Variants in THSD7A observed in about 807,000 individuals in gnomAD.
THSD7A encodes thrombospondin type-1 domain-containing protein 7A.
Under a neutral mutation model 231.3 loss-of-function variants are expected in THSD7A, and 96 were observed. The ratio of observed to expected loss-of-function variants is 0.41; its 90% CI spans 0.35 to 0.49. The LOEUF is 0.49. Ranked by LOEUF, THSD7A falls within the 20% of genes least tolerant of loss-of-function variation. THSD7A has a pLI of 0.05. For synonymous variants in THSD7A, 940 were observed against 743.3 expected, an observed-to-expected ratio of 1.26 and a Z score of -4.30; for missense variants, 2,290 against 2,070.2, an observed-to-expected ratio of 1.11 and a Z score of -2.06.
chr7:11,571,055 A>T (rs2128334544), intron 4 of THSD7A, among the ~76,000 whole-genome samples: 1 of 152,198 alleles, frequency 6.6e-6, no homozygotes, highest in African/African-American at 2.4e-5. Flanking sequence ...TTCTCTAGTT[A>T]GGAGAATGGT....
chr7:11,807,505 T>C (rs1398456291), intron 1 of THSD7A, among the ~76,000 whole-genome samples: 1 of 152,146 alleles, frequency 6.6e-6, no homozygotes. Context: ...AGTAAAATTA[T>C]AAAACAAATT....
At position 11,590,273 on chromosome 7, in the gene THSD7A, G is replaced by C. The variant is rs1780100173; in HGVS notation, c.1453+187C>G. On this transcript the variant is annotated intron_variant, in intron 4 of 27. Coordinates refer to ENST00000423059, the MANE Select transcript of THSD7A (RefSeq NM_015204.3). The surrounding 1 kb of genome is among the most constrained non-coding windows in gnomAD (Gnocchi z 4.4). ...TGTCAGTAAACCAGAACTGACCAAA[G>C]ATGGAATTGTGTTAAATATTTTCAC... Among the ~76,000 whole-genome samples, 1 of 152,174 alleles carries C rather than the reference G, an allele frequency of 6.6e-6. No individual in the cohort carries two copies. The highest frequency in any genetic ancestry group is 1.5e-5 in the Non-Finnish European group (1 of 68,030).
chr7:11,597,550 C>T (rs1780408133), intron 2 of THSD7A, among the ~76,000 whole-genome samples: 1 of 152,094 alleles, frequency 6.6e-6, no homozygotes, highest in Non-Finnish European at 1.5e-5. Flanking sequence ...TTGGCAGGCC[C>T]CCATAGGTGA....
Position 11,814,723 on chromosome 7 carries a change from T to C in THSD7A, c.190+17034A>G, listed in dbSNP as rs1275647980. On this transcript the variant is annotated intron_variant, in intron 1 of 27. Coordinates refer to ENST00000423059, the MANE Select transcript of THSD7A (RefSeq NM_015204.3). The surrounding 1 kb of genome is among the most constrained non-coding windows in gnomAD (Gnocchi z 5.1). ...AGTAAGAGACAGGGAGAGAAATGTA[T>C]CTTAGCAGCAGTCAAAGCTCTCCTT... 2.0e-5 allele frequency among the ~76,000 whole-genome samples: 3 copies of C among 152,130 alleles called. No individual in the cohort carries two copies. Among genetic ancestry groups the C allele is most frequent in the Admixed American group, 6.6e-5 (1 of 15,262 alleles).
chr7:11,665,005 T>C (rs952195282), intron 1 of THSD7A, among the ~76,000 whole-genome samples: 4 of 152,114 alleles, frequency 2.6e-5, no homozygotes, highest in African/African-American at 9.6e-5. Context: ...AATTTCACAA[T>C]ACAGGAGATA....
chr7:11,566,967 G>GGGGGGGGGGGGGGGC (rs1790363949), intron 4 of THSD7A, among the ~76,000 whole-genome samples: 1 of 105,688 alleles, frequency 9.5e-6, no homozygotes, highest in Non-Finnish European at 2.0e-5. Context: ...TGGGAGAGTG[G>GGGGGGGGGGGGGGGC]GGGGGGGACT....
At chr7:11,566,205 G>A (rs17164805) in intron 4 of THSD7A, among the ~76,000 whole-genome samples, 24,557 of 152,180 alleles carry the variant, frequency 0.16, 2,015 homozygotes, top group East Asian at 0.2. Flanking sequence ...TGGTGTCCCA[G>A]TCTGTGATGC....
intron 16 of THSD7A, among the ~76,000 whole-genome samples, chr7:11,422,957 T>A (rs1219585396): frequency 1.3e-5 from 2 of 152,036 alleles, no homozygotes; most frequent in East Asian, 1.9e-4. Context: ...GGCCTATAAT[T>A]TTTTTTACTA....
Position 11,481,953 on chromosome 7 carries a change from C to T in THSD7A, c.1852G>A (p.Asp618Asn), listed in dbSNP as rs897834513. 3 of 1,608,854 alleles carry T rather than the reference C, an allele frequency of 1.9e-6. No individual in the cohort carries two copies. The African/African-American group carries it at 4.0e-5, about 21-fold the overall frequency. The change falls in exon 7 of 28, where the codon GAT becomes AAT. Residue 618 changes from aspartate to asparagine, a missense_variant. Physicochemically the swap from Asp to Asn is conservative, Grantham distance 23. Transcript: ENST00000423059. ...GCCACAGGGATGGGGAAGATGGCATCTCTGCACAGCTGTCTGTCAACTTCT... is the reference window on the plus strand; with the variant it reads ...GCCACAGGGATGGGGAAGATGGCATTTCTGCACAGCTGTCTGTCAACTTCT... ...GEEVDRQLCR[D>N]AIFPIPVACD...
At chr7:11,707,603 G>C (rs1780812270) in intron 1 of THSD7A, among the ~76,000 whole-genome samples, 1 of 150,886 alleles carries the variant, frequency 6.6e-6, no homozygotes. Context: ...AACCATCAGA[G>C]AGTCTAAGAT....
rs748068818 is a variant in THSD7A at position 11,406,979 on chromosome 7, C to T, written c.3993G>A (p.Gln1331=). Residue 1331 remains glutamine (Q), a synonymous_variant, in exon 21 of 28, where the codon CAG becomes CAA. Coordinates refer to ENST00000423059, the MANE Select transcript of THSD7A (RefSeq NM_015204.3). This position sits in a 1 kb window ranked among gnomAD's most constrained non-coding sequence, Gnocchi z 4.7. ...AAGGCTTCACTGGGCAGGGTTTGGA[C>T]TGGTCCATCAGGGAAGGGCATGGTC... The part of the protein sequence containing the change: ...DGRPCPSLMD[Q]SKPCPVKPCY... The T allele has an allele frequency of 7.4e-6, 12 of 1,613,910 alleles. No individual in the cohort carries two copies. The highest frequency in any genetic ancestry group is 2.5e-6 in the Non-Finnish European group (3 of 1,179,852).
At position 11,590,604 on chromosome 7, in the gene THSD7A, C is replaced by T. The variant is rs769553496; in HGVS notation, c.1309G>A (p.Val437Met). The T allele has an allele frequency of 2.5e-6, 4 of 1,613,310 alleles. No homozygotes were observed. The highest frequency in any genetic ancestry group is 2.2e-5 in the South Asian group (2 of 90,982). The stretch of plus-strand genomic sequence containing the variant: ...TCCTGCTGACTGAGCAAAGGGTCCA[C>T]ACGGCACTCAGTCCACTCTGTAGTT... ...WRTTEWTECRVDPLLSQQDKR... is the reference protein window; with the variant it reads ...WRTTEWTECRMDPLLSQQDKR... Residue 437 changes from valine (V) to methionine (M), a missense_variant, in exon 4 of 28, where the codon GTG (valine) becomes ATG (methionine). Transcript: ENST00000423059. This position sits in a 1 kb window ranked among gnomAD's most constrained non-coding sequence, Gnocchi z 4.4.
intron 6 of THSD7A, among the ~76,000 whole-genome samples, chr7:11,525,201 C>T (rs1378600434): frequency 1.3e-5 from 2 of 152,166 alleles, no homozygotes; most frequent in South Asian, 2.1e-4. Context: ...TTCTGTTTGT[C>T]ATTTTCCCCT....
chr7:11,673,120 T>C (rs1783469827), intron 1 of THSD7A, among the ~76,000 whole-genome samples: 1 of 152,092 alleles, frequency 6.6e-6, no homozygotes, highest in South Asian at 2.1e-4. Context: ...ACAGACACTA[T>C]GCTTGAAGAG....
intron 1 of THSD7A, among the ~76,000 whole-genome samples, chr7:11,654,017 G>A (rs1485746638): frequency 1.3e-5 from 2 of 151,772 alleles, no homozygotes; most frequent in East Asian, 3.9e-4. Context: ...TGAACATTGA[G>A]GAGAAGAAGA....
rs1487613841 is a variant in THSD7A at position 11,444,230 on chromosome 7, A to AAGAC, written c.3064+1827_3064+1830dup. On this transcript the variant is annotated intron_variant, in intron 13 of 27. Coordinates refer to ENST00000423059, the MANE Select transcript of THSD7A (RefSeq NM_015204.3). This position sits in a 1 kb window ranked among gnomAD's most constrained non-coding sequence, Gnocchi z 4.2. ...GTGTAAATTAGTTCAACCATTGTGGAAGACAGTGTGGCGATTCCTCAAGGA... is the reference window on the plus strand; with the variant it reads ...GTGTAAATTAGTTCAACCATTGTGGAAGACAGACAGTGTGGCGATTCCTCAAGGA... 6.6e-6 allele frequency among the ~76,000 whole-genome samples: 1 copy of AAGAC among 152,136 alleles called. No homozygotes were observed. The highest frequency in any genetic ancestry group is 1.5e-5 in the Non-Finnish European group (1 of 68,010).
chr7:11,474,889 A>G lies in THSD7A; in HGVS notation c.2018-321T>C, dbSNP rs1158664878. 6.6e-6 allele frequency among the ~76,000 whole-genome samples: 1 copy of G among 152,218 alleles called. No homozygotes were observed. The highest frequency in any genetic ancestry group is 1.5e-5 in the Non-Finnish European group (1 of 68,034). The stretch of plus-strand genomic sequence containing the variant: ...TTAGTATAACTGGGATTCAAGGAGT[A>G]CAATTTCACTACTTTTTGGAGTCTG... On this transcript the variant is annotated intron_variant, in intron 7 of 27. Transcript: ENST00000423059. The surrounding 1 kb of genome is among the most constrained non-coding windows in gnomAD (Gnocchi z 4.1).
intron 1 of THSD7A, among the ~76,000 whole-genome samples, chr7:11,682,712 T>A (rs1342614897): frequency 7.9e-5 from 12 of 152,082 alleles, no homozygotes; most frequent in Admixed American, 7.9e-4. Context: ...GGTATAAAAC[T>A]AACCAAGATA....
chr7:11,477,651 G>A (rs932651545), intron 7 of THSD7A, among the ~76,000 whole-genome samples: 2 of 152,088 alleles, frequency 1.3e-5, no homozygotes, highest in African/African-American at 4.8e-5. Context: ...CATTCAAGTT[G>A]GCTTCTGTGG....
Sources: gnomAD v4.1 joint callset for allele counts (sites outside exome capture counted in the v4.1 genomes callset) on GRCh38, gnomAD v4.1.1 for gene constraint, Gnocchi (gnomAD v3.1) non-coding constraint, MANE v1.5 for transcripts, NCBI Gene and HGNC (gene_info 2026-07-23, HGNC 2026-07-21) for gene names.